SSUH2: variants seen among roughly 807,000 people sequenced by gnomAD.
SSUH2 encodes the protein protein SSUH2 homolog.
Under a neutral mutation model 55.3 loss-of-function variants are expected in SSUH2, and 47 were observed. The ratio of observed to expected loss-of-function variants is 0.85; its 90% CI spans 0.67 to 1.08. The LOEUF (loss-of-function observed/expected upper bound fraction) is 1.08, where lower values mean the gene tolerates loss of function less well. Ranked by LOEUF, SSUH2 falls within the 50% of genes least tolerant of loss-of-function variation. The pLI, the probability that SSUH2 is intolerant of heterozygous loss-of-function variation, is 0.00. For missense variants in SSUH2, 535 were observed against 490.7 expected (o/e 1.09, Z -0.85); for synonymous variants, 212 against 191.5 (o/e 1.11, Z -0.89).
At chr3:8,665,875 GATC>G (rs1457765800) in intron 5 of SSUH2, among the ~76,000 whole-genome samples, 1 of 152,058 alleles carries the variant, frequency 6.6e-6, no homozygotes, top group African/African-American at 2.4e-5. Flanking sequence ...ACACAATGAA[GATC>G]ATTTTCAACA....
At position 8,654,612 on chromosome 3, in the gene SSUH2, TACAG is replaced by T. The variant is rs770506082; in HGVS notation, c.-307+4309_-307+4312del. ...GGAATAGAACCGTAGCACCTCACTT[TACAG>T]ACAGATGCCGGAGCTCCAGGGAAAA... On this transcript the variant is annotated intron_variant, in intron 7 of 18. Transcript: ENST00000317371. Among the ~76,000 whole-genome samples the T allele has an allele frequency of 5.3e-5, 8 of 152,352 alleles. No individual in the cohort carries two copies. In the East Asian group the frequency reaches 7.7e-4, roughly 15 times the overall value.
In SSUH2 at chr3:8,629,719, T is replaced by C. The variant is rs1353160473; in HGVS notation, c.533A>G (p.His178Arg). 4.3e-6 allele frequency: 7 copies of C among 1,614,106 alleles called. No individual in the cohort carries two copies. The Admixed American group carries it at 5.0e-5, about 12-fold the overall frequency. Residue 178 changes from histidine (H) to arginine (R), a missense_variant, in exon 7 of 12, where the codon CAC becomes CGC. Physicochemically the swap from His to Arg is conservative, Grantham distance 29. Coordinates refer to ENST00000544814, the MANE Select transcript of SSUH2 (RefSeq NM_001256748.3). ...VPHSSLVKEC[H>R]KCHGRGRYKC... ...GTACCGCCCACGCCCATGGCATTTG[T>C]GGCATTCCTGAAAGTGCAACGCTTT... is the stretch of plus-strand genomic sequence containing the variant.
upstream of SSUH2, among the ~76,000 whole-genome samples, chr3:8,648,523 T>A (rs1169339089): frequency 6.6e-6 from 1 of 152,084 alleles, no homozygotes; most frequent in East Asian, 1.9e-4. Flanking sequence ...ATCCTGAACC[T>A]TTGTCTCCTC....
intron 2 of SSUH2, among the ~76,000 whole-genome samples, chr3:8,678,496 A>T: frequency 7.7e-6 from 1 of 130,500 alleles, no homozygotes; most frequent in Non-Finnish European, 1.7e-5. Flanking sequence ...CAAGGGGGTG[A>T]GGCACCCCCC....
chr3:8,630,221 T>C (rs1230255845), intron 6 of SSUH2, among the ~76,000 whole-genome samples: 1 of 152,218 alleles, frequency 6.6e-6, no homozygotes, highest in Non-Finnish European at 1.5e-5. Context: ...CTTAGAACTC[T>C]GTAAAAACTC....
intron 11 of SSUH2, 35 bp from the exon 12 acceptor site, chr3:8,620,049 T>C: frequency 6.2e-7 from 1 of 1,610,476 alleles, no homozygotes; most frequent in East Asian, 2.2e-5. Flanking sequence ...AATGTCAGTG[T>C]TCTGTTCAAG....
At chr3:8,651,672 C>T (rs938969121) in intron 7 of SSUH2, among the ~76,000 whole-genome samples, 2 of 152,190 alleles carry the variant, frequency 1.3e-5, no homozygotes, top group African/African-American at 4.8e-5. Context: ...AGCCCCACTG[C>T]AGAGTCTCCC....
At position 8,662,353 on chromosome 3, in the gene SSUH2, C is replaced by T. The variant is rs116526344; in HGVS notation, c.-396+1391G>A. On this transcript the variant is annotated intron_variant, in intron 6 of 18. Coordinates refer to the SSUH2 transcript ENST00000317371. ...CTCACTCTGCCCTCCTGATACCAAA[C>T]GTCAGTACTGAGTGTCCAGTCAGAG... Among the ~76,000 whole-genome samples, 455 of 152,238 alleles carry T rather than the reference C, an allele frequency of 3.0e-3. 3 individuals are homozygous for T. Among genetic ancestry groups the T allele is most frequent in the African/African-American group, 0.011 (439 of 41,548 alleles).
At chr3:8,641,810 C>G (rs1028354559) in intron 1 of SSUH2, among the ~76,000 whole-genome samples, 1 of 152,270 alleles carries the variant, frequency 6.6e-6, no homozygotes, top group African/African-American at 2.4e-5. Flanking sequence ...CACCAAGATA[C>G]ACTGAGAGCC....
At chr3:8,641,324 T>C (rs572457984) in intron 1 of SSUH2, among the ~76,000 whole-genome samples, 2 of 152,354 alleles carry the variant, frequency 1.3e-5, no homozygotes, top group South Asian at 4.1e-4. Context: ...TTCCCAGCAA[T>C]GACCACAGCA....
chr3:8,672,991 A>G (rs1053219154), intron 3 of SSUH2, among the ~76,000 whole-genome samples: 1 of 152,164 alleles, frequency 6.6e-6, no homozygotes, highest in Non-Finnish European at 1.5e-5. Flanking sequence ...ACACCCACTG[A>G]GGTATTAGGC....
chr3:8,659,614 G>A (rs1268491704), intron 6 of SSUH2: 1 of 330,306 alleles, frequency 3.0e-6, no homozygotes, highest in African/African-American at 2.2e-5. Context: ...CTGGAGGCCG[G>A]GGGCTGCCCG....
At chr3:8,680,125 A>C (rs889924824) in intron 1 of SSUH2, among the ~76,000 whole-genome samples, 8 of 152,308 alleles carry the variant, frequency 5.3e-5, no homozygotes, top group African/African-American at 1.9e-4. Context: ...CTTTTAACCC[A>C]AACTGTGGGA....
At chr3:8,681,364 T>TC (rs2124944877) in intron 1 of SSUH2, among the ~76,000 whole-genome samples, 1 of 137,958 alleles carries the variant, frequency 7.2e-6, no homozygotes, top group East Asian at 2.4e-4. Context: ...AGCCAGCCCC[T>TC]TTTTTCCCCT....
intron 3 of SSUH2, among the ~76,000 whole-genome samples, chr3:8,673,201 T>C (rs536495171): frequency 6.6e-6 from 1 of 152,156 alleles, no homozygotes; most frequent in Non-Finnish European, 1.5e-5. Flanking sequence ...ATATTAATCA[T>C]TTATTGTTAT....
At chr3:8,663,851 G>A (rs1479710215) in intron 5 of SSUH2, 1 of 456,610 alleles carries the variant, frequency 2.2e-6, no homozygotes, top group East Asian at 6.9e-5. Context: ...TAGTAATGAT[G>A]CGTGTCCCAA....
Position 8,630,897 on chromosome 3 carries a change from A to G in SSUH2, c.433T>C (p.Ser145Pro). 2 of 1,463,374 alleles carry G rather than the reference A, an allele frequency of 1.4e-6. No homozygotes were observed. Among genetic ancestry groups the G allele is most frequent in the East Asian group, 2.7e-5 (1 of 37,646 alleles). The allele number at this position is 1,463,374 out of a possible 1,614,324, so 90.6% of individuals were successfully genotyped here. A position where few individuals can be genotyped will look rare whatever the true frequency, so the allele number is the denominator to read the frequency against. Reference protein sequence around the residue: ...HSVDGPQRGASPRLWDIKVQG... With the variant: ...HSVDGPQRGAPPRLWDIKVQG... ...ACCTTGATGTCCCAGAGCCTGGGGG[A>G]GGCGCCTCTTTGCGGCCCATCCACA... The change falls in exon 6 of 12, where the codon TCC becomes CCC. Residue 145 changes from serine to proline, a missense_variant. Coordinates refer to ENST00000544814, the MANE Select transcript of SSUH2 (RefSeq NM_001256748.3).
intron 3 of SSUH2, among the ~76,000 whole-genome samples, chr3:8,675,400 G>A (rs1705128146): frequency 1.3e-5 from 2 of 152,126 alleles, no homozygotes; most frequent in Non-Finnish European, 2.9e-5. Context: ...CCTAGGCTGC[G>A]TGTTGCTCCA....
At chr3:8,676,870 G>T (rs1456177435) in intron 3 of SSUH2, among the ~76,000 whole-genome samples, 1 of 141,054 alleles carries the variant, frequency 7.1e-6, no homozygotes, top group Non-Finnish European at 1.6e-5. Context: ...CGCAGGGGAG[G>T]AGGCATCCCC....
Sources: gnomAD v4.1 joint callset for allele counts (sites outside exome capture counted in the v4.1 genomes callset) on GRCh38, gnomAD v4.1.1 for gene constraint, MANE v1.5 for transcripts, NCBI Gene and HGNC (gene_info 2026-07-23, HGNC 2026-07-21) for gene names.